GADL1: variants seen among roughly 807,000 people sequenced by gnomAD.
The protein encoded by GADL1 is acidic amino acid decarboxylase GADL1.
GADL1 carries 71 observed loss-of-function variants against 69.5 expected under a neutral mutation model. The observed-to-expected ratio is 1.02, with a 90% CI of 0.84 to 1.25. The LOEUF is 1.25. Ranked by LOEUF, GADL1 falls within the 50% of genes most tolerant of loss-of-function variation. GADL1 has a pLI of 0.00. For missense variants in GADL1, 737 were observed against 631.8 expected (o/e 1.17, Z -1.79); for synonymous variants, 254 against 214.4 (o/e 1.18, Z -1.62).
At chr3:30,774,983 A>G (rs1696500243) in intron 14 of GADL1, among the ~76,000 whole-genome samples, 1 of 152,110 alleles carries the variant, frequency 6.6e-6, no homozygotes, top group Non-Finnish European at 1.5e-5. Context: ...GACAAATACA[A>G]TCTAGGTAGG....
chr3:30,847,334 T>A (rs1698075439), intron 6 of GADL1, among the ~76,000 whole-genome samples: 1 of 152,178 alleles, frequency 6.6e-6, no homozygotes, highest in Admixed American at 6.5e-5. Context: ...CTGCACTGGA[T>A]GGTGCAAGAT....
chr3:30,747,263 A>C (rs1232147704), intron 14 of GADL1, among the ~76,000 whole-genome samples: 1 of 152,204 alleles, frequency 6.6e-6, no homozygotes, highest in South Asian at 2.1e-4. Flanking sequence ...AGCATCCAGC[A>C]CCTTGGGTTG....
chr3:30,836,093 C>T (rs757569884), intron 9 of GADL1, among the ~76,000 whole-genome samples: 1 of 152,000 alleles, frequency 6.6e-6, no homozygotes, highest in Non-Finnish European at 1.5e-5. Flanking sequence ...TCTCACTTCT[C>T]TTATCCCCCA....
intron 14 of GADL1, among the ~76,000 whole-genome samples, chr3:30,739,944 T>C (rs1695591921): frequency 6.6e-6 from 1 of 152,196 alleles, no homozygotes; most frequent in South Asian, 2.1e-4. Context: ...TGCTTTTGAT[T>C]TGCACATTTT....
At position 30,871,698 on chromosome 3, in the gene GADL1, A is replaced by C. The variant is rs941870501; in HGVS notation, c.38-9933T>G. Among the ~76,000 whole-genome samples the C allele has an allele frequency of 2.0e-5, 3 of 151,766 alleles. No homozygotes were observed. In the South Asian group the frequency reaches 6.2e-4, roughly 31 times the overall value. ...TGAGACTACGTTGTGTTAGAATCTC[A>C]GATACCACTCAGATAATTCTGATTC... On this transcript the variant is annotated intron_variant, in intron 1 of 14. Coordinates refer to ENST00000282538, the MANE Select transcript of GADL1 (RefSeq NM_207359.3).
intron 14 of GADL1, among the ~76,000 whole-genome samples, chr3:30,753,879 A>C (rs930192141): frequency 6.6e-6 from 1 of 152,212 alleles, no homozygotes; most frequent in Non-Finnish European, 1.5e-5. Flanking sequence ...GTTTTAGTGG[A>C]CCCTGCAAAT....
intron 8 of GADL1, among the ~76,000 whole-genome samples, chr3:30,839,652 G>C (rs1035313093): frequency 6.6e-6 from 1 of 152,048 alleles, no homozygotes; most frequent in African/African-American, 2.4e-5. Flanking sequence ...CATCAGAGGA[G>C]ATAAGGCAAC....
chr3:30,769,377 T>TGCACACAC (rs781311128), intron 14 of GADL1, among the ~76,000 whole-genome samples: 3 of 152,034 alleles, frequency 2.0e-5, no homozygotes, highest in African/African-American at 7.2e-5. Flanking sequence ...CTGGAACGTA[T>TGCACACAC]GCACACACGC....
At chr3:30,864,536 A>G (rs538137937) in intron 1 of GADL1, among the ~76,000 whole-genome samples, 8 of 152,134 alleles carry the variant, frequency 5.3e-5, no homozygotes, top group East Asian at 1.9e-4. Context: ...GTAAAAATCT[A>G]TACAGAAATG....
rs527293572 is a variant in GADL1 at position 30,833,922 on chromosome 3, C to T, written c.981G>A (p.Val327=). 1 of 1,612,202 alleles carries T rather than the reference C, an allele frequency of 6.2e-7. No individual in the cohort carries two copies. The highest frequency in any genetic ancestry group is 1.1e-5 in the South Asian group (1 of 91,034). The stretch of plus-strand genomic sequence containing the variant: ...TCAGCATCTTGTGTGGGTTCCAGGC[C>T]ACAGAGTCAGCCCTATTGTTTAAAC... The part of the protein sequence containing the change: ...LLHGIHRADS[V]AWNPHKMLMA... The change falls in exon 11 of 15, where the codon GTG becomes GTA. Residue 327 remains valine (V), a synonymous_variant. Coordinates refer to ENST00000282538, the MANE Select transcript of GADL1 (RefSeq NM_207359.3).
chr3:30,766,564 T>C (rs75244677), intron 14 of GADL1, among the ~76,000 whole-genome samples: 3,659 of 152,014 alleles, frequency 0.024, 128 homozygotes, highest in African/African-American at 0.081. Flanking sequence ...TGATTTTTTT[T>C]CTCTTAATGA....
chr3:30,847,032 T>A (rs1320811566), intron 6 of GADL1, among the ~76,000 whole-genome samples: 1 of 152,206 alleles, frequency 6.6e-6, no homozygotes, highest in Admixed American at 6.5e-5. Flanking sequence ...TCATAATTAC[T>A]GCTTTATGCT....
At chr3:30,893,599 CAT>C (rs1412832456) in intron 1 of GADL1, among the ~76,000 whole-genome samples, 1 of 151,962 alleles carries the variant, frequency 6.6e-6, no homozygotes, top group African/African-American at 2.4e-5. Flanking sequence ...TTTATTATGC[CAT>C]ATATAAAAAT....
chr3:30,812,681 A>C (rs1280970740), intron 11 of GADL1, among the ~76,000 whole-genome samples: 2 of 152,078 alleles, frequency 1.3e-5, no homozygotes, highest in Non-Finnish European at 2.9e-5. Context: ...AAGAAGAAAA[A>C]CTTGTGTTCA....
intron 14 of GADL1, among the ~76,000 whole-genome samples, chr3:30,770,973 AAAG>A (rs1183159327): frequency 6.6e-6 from 1 of 152,232 alleles, no homozygotes; most frequent in African/African-American, 2.4e-5. Flanking sequence ...GCAAATAAGC[AAAG>A]TAATAACAAA....
chr3:30,816,078 C>T (rs1697463026), intron 11 of GADL1, among the ~76,000 whole-genome samples: 1 of 152,124 alleles, frequency 6.6e-6, no homozygotes, highest in African/African-American at 2.4e-5. Context: ...GTTTATTGAA[C>T]TTGCCAGGCC....
Position 30,776,871 on chromosome 3 carries a change from C to A in GADL1, c.1392+1308G>T, listed in dbSNP as rs150677932. Among the ~76,000 whole-genome samples, 748 of 152,316 alleles carry A rather than the reference C, an allele frequency of 4.9e-3. 4 individuals are homozygous for A. The highest frequency in any genetic ancestry group is 8.1e-3 in the Non-Finnish European group (553 of 68,036). On this transcript the variant is annotated intron_variant, in intron 14 of 14. Transcript: ENST00000282538. ...TGTGGTCTTTGAATCACATTCTCCC[C>A]TCTTGAGCCTCTGAGTTCTCATGCT...
chr3:30,796,241 A>AG lies in GADL1; in HGVS notation c.1250+4647dup, dbSNP rs1162186655. 3.9e-5 allele frequency among the ~76,000 whole-genome samples: 6 copies of AG among 152,326 alleles called. No individual in the cohort carries two copies. The East Asian group carries it at 1.2e-3, about 29-fold the overall frequency. On this transcript the variant is annotated intron_variant, in intron 12 of 14. Transcript: ENST00000282538. ...AAATAGTGCAAGAAAATCCACAAAA[A>AG]GGGAACAGAGCTTCCTGGACTTCTA...
At chr3:30,807,012 A>G (rs1251277467) in intron 11 of GADL1, among the ~76,000 whole-genome samples, 2 of 152,238 alleles carry the variant, frequency 1.3e-5, no homozygotes, top group African/African-American at 4.8e-5. Flanking sequence ...GTCAGAGCTC[A>G]AAGCCTGTCA....
Sources: gnomAD v4.1 joint callset for allele counts (sites outside exome capture counted in the v4.1 genomes callset) on GRCh38, gnomAD v4.1.1 for gene constraint, MANE v1.5 for transcripts, NCBI Gene and HGNC (gene_info 2026-07-23, HGNC 2026-07-21) for gene names.